Variants in BLTP3B observed in about 807,000 individuals in gnomAD.
BLTP3B encodes the protein UHRF1 (ICBP90) binding protein 1-like.
At chr12:100,057,273 A>G in the BLTP3B span, among the ~76,000 whole-genome samples, 1 of 152,314 alleles carries the variant, frequency 6.6e-6, no homozygotes, top group African/African-American at 2.4e-5. Context: ...TGGTTAAAAG[A>G]AACAATGGAA....
the BLTP3B span, among the ~76,000 whole-genome samples, chr12:100,128,010 C>T: frequency 2.6e-5 from 4 of 152,088 alleles, no homozygotes; most frequent in Non-Finnish European, 5.9e-5. Flanking sequence ...AACACCTTTT[C>T]CCCCCACCAC....
At chr12:100,104,095 G>A in the BLTP3B span, 2 of 488,616 alleles carry the variant, frequency 4.1e-6, no homozygotes, top group Non-Finnish European at 6.9e-6. Flanking sequence ...AATAAACTAA[G>A]CAACTCACTC....
the BLTP3B span, chr12:100,086,136 A>G: frequency 4.1e-6 from 2 of 483,148 alleles, no homozygotes; most frequent in Non-Finnish European, 6.9e-6. Flanking sequence ...TCTTAATGAA[A>G]TACTGCCAGG....
At chr12:100,058,511 A>T in the BLTP3B span, 1 of 1,613,474 alleles carries the variant, frequency 6.2e-7, no homozygotes. Context: ...TAACAGTTAC[A>T]CTTCTAATTC....
At chr12:100,058,321 T>C in the BLTP3B span, 4 of 1,613,798 alleles carry the variant, frequency 2.5e-6, no homozygotes, top group South Asian at 2.2e-5. Context: ...GAGCCACTTT[T>C]GTAAACAAGT....
chr12:100,091,480 G>A, the BLTP3B span, among the ~76,000 whole-genome samples: 9 of 151,154 alleles, frequency 6.0e-5, no homozygotes, highest in East Asian at 7.9e-4. Flanking sequence ...GAGCCACAGC[G>A]TCCGGCCCCT....
the BLTP3B span, among the ~76,000 whole-genome samples, chr12:100,067,245 G>C: frequency 6.6e-6 from 1 of 151,988 alleles, no homozygotes; most frequent in Non-Finnish European, 1.5e-5. Context: ...GTCTGAAACA[G>C]CACAAACAGA....
the BLTP3B span, chr12:100,050,310 A>G: frequency 6.3e-7 from 1 of 1,599,796 alleles, no homozygotes; most frequent in Non-Finnish European, 8.5e-7. Context: ...TAAATACCAC[A>G]ACGGACATCT....
At chr12:100,123,751 C>CT in the BLTP3B span, among the ~76,000 whole-genome samples, 14,441 of 144,896 alleles carry the variant, frequency 0.1, 936 homozygotes, top group East Asian at 0.33. Flanking sequence ...TTTAAACTGC[C>CT]TTTTTTTTTT....
the BLTP3B span, among the ~76,000 whole-genome samples, chr12:100,062,752 A>T: frequency 6.6e-6 from 1 of 152,118 alleles, no homozygotes; most frequent in South Asian, 2.1e-4. Flanking sequence ...GCTTGAGCCC[A>T]GGAGTTTGAG....
chr12:100,108,292 T>C, the BLTP3B span: 1,560 of 1,317,956 alleles, frequency 1.2e-3, 11 homozygotes, highest in African/African-American at 0.02. Flanking sequence ...CACAATTATC[T>C]AAAATTAAGT....
the BLTP3B span, among the ~76,000 whole-genome samples, chr12:100,053,940 T>A: frequency 4.3e-3 from 658 of 152,288 alleles, 4 homozygotes; most frequent in African/African-American, 0.015. Context: ...TGAAAATTAA[T>A]GACCCTGACA....
chr12:100,044,832 TTA>T, the BLTP3B span, among the ~76,000 whole-genome samples: 7 of 152,270 alleles, frequency 4.6e-5, no homozygotes, highest in Admixed American at 1.3e-4. Context: ...GATGATATGA[TTA>T]TATGTTTAGA....
the BLTP3B span, among the ~76,000 whole-genome samples, chr12:100,054,958 T>TA: frequency 1.3e-5 from 2 of 152,178 alleles, no homozygotes; most frequent in Non-Finnish European, 2.9e-5. Flanking sequence ...AAGGATTAGA[T>TA]AAATTAATGT....
chr12:100,057,551 A>C, the BLTP3B span: 1 of 1,591,388 alleles, frequency 6.3e-7, no homozygotes, highest in Non-Finnish European at 8.6e-7. Context: ...ATGAATTCTT[A>C]AGCCGTATCA....
the BLTP3B span, among the ~76,000 whole-genome samples, chr12:100,106,907 AT>A: frequency 6.6e-6 from 1 of 152,196 alleles, no homozygotes; most frequent in African/African-American, 2.4e-5. Flanking sequence ...AACAATCAGC[AT>A]GCAGTATTTC....
At chr12:100,090,223 T>A in the BLTP3B span, among the ~76,000 whole-genome samples, 2 of 152,146 alleles carry the variant, frequency 1.3e-5, no homozygotes, top group Admixed American at 6.6e-5. Context: ...CTAAAAGATG[T>A]GGTATGTCCT....
At chr12:100,058,030 T>G in the BLTP3B span, 8 of 1,561,036 alleles carry the variant, frequency 5.1e-6, no homozygotes, top group Non-Finnish European at 6.9e-6. Context: ...TGTTGTTACC[T>G]TAAAGATGAC....
At chr12:100,049,666 T>A in the BLTP3B span, among the ~76,000 whole-genome samples, 3 of 152,134 alleles carry the variant, frequency 2.0e-5, no homozygotes, top group Non-Finnish European at 4.4e-5. Context: ...ATTTCAAAAT[T>A]CAAATATTTT....
Sources: allele counts gnomAD v4.1 joint callset (sites outside exome capture counted in the v4.1 genomes callset), GRCh38; gene constraint gnomAD v4.1.1; transcripts MANE v1.5; gene names NCBI Gene and HGNC (gene_info 2026-07-23, HGNC 2026-07-21).